Variants in RYR2 observed in about 807,000 individuals in gnomAD.
RYR2 encodes the protein cardiac muscle ryanodine receptor-calcium release channel.
In RYR2, 227 loss-of-function variants were observed where a neutral mutation model predicts 601.1. That is an observed-to-expected ratio of 0.38 (90% CI 0.34 to 0.42). The LOEUF (loss-of-function observed/expected upper bound fraction) is 0.42. Ranked by LOEUF, RYR2 falls within the 10% of genes least tolerant of loss-of-function variation. RYR2 has a pLI of 1.00. For missense variants in RYR2, 4,646 were observed against 6,156.5 expected (o/e 0.75, Z 8.21); for synonymous variants, 2,223 against 2,175.1 (o/e 1.02, Z -0.61).
rs144750981 is a variant in RYR2, at chr1:237,591,290, A to G, written c.4160+298A>G. ...AAATTAAGCAACCTGTTAGTCATCT[A>G]ATTTGTTAGCGTAGGTGCAATCTAT... is the stretch of plus-strand genomic sequence containing the variant. On this transcript the variant is annotated intron_variant, in intron 31 of 104. Coordinates refer to ENST00000366574, the MANE Select transcript of RYR2 (RefSeq NM_001035.3). Among the ~76,000 whole-genome samples the G allele has an allele frequency of 3.9e-3, 583 of 151,290 alleles. 10 individuals are homozygous for G. The highest frequency in any genetic ancestry group is 0.013 in the African/African-American group (552 of 41,162).
intron 1 of RYR2, among the ~76,000 whole-genome samples, chr1:237,085,348 T>C (rs1177486586): frequency 1.3e-5 from 2 of 152,238 alleles, no homozygotes; most frequent in Non-Finnish European, 2.9e-5. Context: ...GTTTCAGTTA[T>C]TGGTTCTACT....
At chr1:237,349,060 A>C (rs1012695942) in intron 3 of RYR2, among the ~76,000 whole-genome samples, 9 of 152,206 alleles carry the variant, frequency 5.9e-5, no homozygotes, top group Admixed American at 5.9e-4. Flanking sequence ...GAGTAACTGG[A>C]TTCCCAAACT....
At chr1:237,606,299 CA>C (rs1677116158) in intron 35 of RYR2, among the ~76,000 whole-genome samples, 1 of 152,064 alleles carries the variant, frequency 6.6e-6, no homozygotes, top group Admixed American at 6.5e-5. Context: ...ACAAACCTGA[CA>C]AAAACAAGAA....
At chr1:237,440,302 A>G (rs1042924600) in intron 12 of RYR2, among the ~76,000 whole-genome samples, 5 of 152,212 alleles carry the variant, frequency 3.3e-5, no homozygotes, top group South Asian at 2.1e-4. Flanking sequence ...TTTAACTATA[A>G]TTCTAAATAA....
intron 29 of RYR2, among the ~76,000 whole-genome samples, chr1:237,584,654 T>TTGTTTTTG (rs1447063322): frequency 7.7e-6 from 1 of 129,822 alleles, no homozygotes; most frequent in Non-Finnish European, 1.7e-5. Flanking sequence ...CACCTGTTTT[T>TTGTTTTTG]TTTTTTTTTT....
chr1:237,750,528 T>G (rs886220904), intron 80 of RYR2, among the ~76,000 whole-genome samples: 1 of 150,876 alleles, frequency 6.6e-6, no homozygotes, highest in Admixed American at 6.6e-5. Flanking sequence ...TATTCATAAA[T>G]TTCATAAAGT....
chr1:237,649,764 G>A, intron 49 of RYR2, 113 bp from the exon 50 acceptor site: 1 of 832,612 alleles, frequency 1.2e-6, no homozygotes, highest in South Asian at 1.8e-5. Context: ...ATTTCCATGT[G>A]TCATAGTGCT....
At chr1:237,224,611 A>C (rs1478898524) in intron 1 of RYR2, among the ~76,000 whole-genome samples, 1 of 152,166 alleles carries the variant, frequency 6.6e-6, no homozygotes, top group Non-Finnish European at 1.5e-5. Context: ...TAATCTCAGT[A>C]CTGTGGGAGG....
intron 2 of RYR2, among the ~76,000 whole-genome samples, chr1:237,312,101 C>T (rs1000422117): frequency 1.3e-5 from 2 of 152,024 alleles, no homozygotes; most frequent in Non-Finnish European, 2.9e-5. Context: ...AACATAGAGA[C>T]AATAGATTGT....
At chr1:237,337,950 AG>A (rs894122210) in intron 3 of RYR2, among the ~76,000 whole-genome samples, 16 of 152,170 alleles carry the variant, frequency 1.1e-4, no homozygotes, top group African/African-American at 3.9e-4. Flanking sequence ...GGCTAAAATC[AG>A]GGTGTTGGCA....
chr1:237,364,484 G>T (rs1223096107), intron 5 of RYR2, 112 bp downstream of exon 5: 7 of 456,844 alleles, frequency 1.5e-5, no homozygotes, highest in East Asian at 7.4e-5. Context: ...ATATATGACA[G>T]ATATATATAT....
chr1:237,171,944 A>G (rs1677447830), intron 1 of RYR2, among the ~76,000 whole-genome samples: 1 of 152,080 alleles, frequency 6.6e-6, no homozygotes, highest in African/African-American at 2.4e-5. Context: ...ATTCTCATCC[A>G]TTTTGTGTTT....
intron 12 of RYR2, among the ~76,000 whole-genome samples, chr1:237,426,852 T>C (rs1706210441): frequency 6.6e-6 from 1 of 152,104 alleles, no homozygotes; most frequent in African/African-American, 2.4e-5. Context: ...CATTCCAGCC[T>C]GGGCAACACA....
At chr1:237,376,619 A>G (rs573165794) in intron 7 of RYR2, among the ~76,000 whole-genome samples, 1 of 152,316 alleles carries the variant, frequency 6.6e-6, no homozygotes, top group Admixed American at 6.5e-5. Flanking sequence ...TGAAGCTTCT[A>G]TGTTAGGTAT....
intron 1 of RYR2, among the ~76,000 whole-genome samples, chr1:237,088,254 T>C (rs1357181555): frequency 6.6e-6 from 1 of 152,164 alleles, no homozygotes; most frequent in African/African-American, 2.4e-5. Context: ...CCTTGGTACG[T>C]GTGCCAAACG....
At chr1:237,536,679 C>T (rs1455528147) in intron 25 of RYR2, among the ~76,000 whole-genome samples, 1 of 135,930 alleles carries the variant, frequency 7.4e-6, no homozygotes, top group African/African-American at 2.8e-5. Flanking sequence ...AGTGCCACTG[C>T]ACTCCAGCCC....
intron 70 of RYR2, 44 bp downstream of exon 70, chr1:237,709,611 C>A: frequency 2.4e-6 from 3 of 1,229,304 alleles, no homozygotes; most frequent in Admixed American, 2.0e-5. Context: ...TGTTTGTAGG[C>A]ACCTGCTTAC....
In RYR2 at chr1:237,162,246, T is replaced by G. The variant is rs530288254; in HGVS notation, c.49-108251T>G. On this transcript the variant is annotated intron_variant, in intron 1 of 104. Transcript: ENST00000366574. ...GCAACAGATTGGCCACCTTACTGTT[T>G]ATGTGGATTATGTATGATCAGGCAT... 5.9e-5 allele frequency among the ~76,000 whole-genome samples: 9 copies of G among 152,278 alleles called. No individual in the cohort carries two copies. In the South Asian group the frequency reaches 1.9e-3, roughly 32 times the overall value.
chr1:237,604,128 A>G (rs1030629925), intron 35 of RYR2, among the ~76,000 whole-genome samples: 9 of 152,208 alleles, frequency 5.9e-5, no homozygotes, highest in African/African-American at 1.4e-4. Flanking sequence ...CATTCTTCTC[A>G]TCACCACATC....
Sources: allele counts gnomAD v4.1 joint callset (sites outside exome capture counted in the v4.1 genomes callset), GRCh38; gene constraint gnomAD v4.1.1; transcripts MANE v1.5; gene names NCBI Gene and HGNC (gene_info 2026-07-23, HGNC 2026-07-21).